Variants in PRIM2 observed in about 807,000 individuals in gnomAD.
PRIM2 encodes DNA primase subunit 2.
A neutral mutation model predicts 67.3 loss-of-function variants in PRIM2; 39 were observed. The ratio of observed to expected loss-of-function variants is 0.58; its 90% confidence interval spans 0.45 to 0.76. PRIM2 has a LOEUF of 0.76. PRIM2 is among the 30% of genes least tolerant of loss of function. The pLI is 0.00. For synonymous variants in PRIM2, 143 were observed against 198.7 expected (o/e 0.72, Z 2.36); for missense variants, 398 against 598.7 (o/e 0.66, Z 3.50).
At chr6:57,331,888 C>G (rs1202585756) in intron 5 of PRIM2, among the ~76,000 whole-genome samples, 1 of 151,678 alleles carries the variant, frequency 6.6e-6, no homozygotes, top group Non-Finnish European at 1.5e-5. Context: ...ATTCTCTAGA[C>G]TCTATTTCAC....
chr6:57,370,693 CTTT>C (rs66953171), intron 5 of PRIM2, among the ~76,000 whole-genome samples: 3 of 121,986 alleles, frequency 2.5e-5, no homozygotes, highest in Non-Finnish European at 3.4e-5. Context: ...CTATCTATAG[CTTT>C]TTTTTTTTTT....
chr6:57,222,246 G>C, the PRIM2 span: 3 of 152,612 alleles, frequency 2.0e-5, no homozygotes, highest in Non-Finnish European at 4.4e-5. Context: ...GCTCCGCCGG[G>C]GGTGGTGGGG....
At chr6:57,407,305 T>A (rs1770923896) in intron 7 of PRIM2, among the ~76,000 whole-genome samples, 3 of 151,756 alleles carry the variant, frequency 2.0e-5, no homozygotes, top group Admixed American at 2.0e-4. Context: ...TTTGTAAGTA[T>A]ATTTTCATTA....
At chr6:57,547,511 G>A (rs1367709385) in intron 10 of PRIM2, among the ~76,000 whole-genome samples, 208 of 152,310 alleles carry the variant, frequency 1.4e-3, no homozygotes, top group Non-Finnish European at 2.5e-3. Context: ...TGAATACCAT[G>A]AAAATATTCT....
intron 10 of PRIM2, among the ~76,000 whole-genome samples, chr6:57,593,454 C>G (rs1776316723): frequency 6.6e-6 from 1 of 152,078 alleles, no homozygotes; most frequent in Non-Finnish European, 1.5e-5. Flanking sequence ...AGGCATGCAC[C>G]ACCACACCCA....
At chr6:57,255,691 A>G in the PRIM2 span, among the ~76,000 whole-genome samples, 2 of 152,172 alleles carry the variant, frequency 1.3e-5, no homozygotes, top group Non-Finnish European at 2.9e-5. Context: ...CATTTAAATC[A>G]TAAGCATAAT....
intron 7 of PRIM2, among the ~76,000 whole-genome samples, chr6:57,383,817 G>A (rs1360536036): frequency 6.6e-6 from 1 of 152,080 alleles, no homozygotes; most frequent in Non-Finnish European, 1.5e-5. Context: ...TTTATTACAT[G>A]GGATAATGAA....
At chr6:57,263,222 T>C in the PRIM2 span, among the ~76,000 whole-genome samples, 1 of 152,258 alleles carries the variant, frequency 6.6e-6, no homozygotes, top group African/African-American at 2.4e-5. Context: ...AGGTTACTCT[T>C]TGCCTCTGTA....
intron 10 of PRIM2, among the ~76,000 whole-genome samples, chr6:57,594,509 A>T (rs1163346278): frequency 6.6e-6 from 1 of 152,232 alleles, no homozygotes; most frequent in Non-Finnish European, 1.5e-5. Context: ...CCAGTTCCAA[A>T]TATAGACCTA....
intron 2 of PRIM2, 103 bp downstream of exon 2, chr6:57,318,702 C>A: frequency 1.1e-6 from 1 of 935,678 alleles, no homozygotes; most frequent in Non-Finnish European, 1.6e-6. Context: ...GCAATCCATT[C>A]AACAAGTATT....
chr6:57,579,529 T>C (rs1776040063), intron 10 of PRIM2, among the ~76,000 whole-genome samples: 1 of 152,098 alleles, frequency 6.6e-6, no homozygotes, highest in Non-Finnish European at 1.5e-5. Context: ...TCTCAGGATA[T>C]TGTTGTGACT....
chr6:57,343,372 C>T (rs1768559137), intron 5 of PRIM2, among the ~76,000 whole-genome samples: 1 of 152,182 alleles, frequency 6.6e-6, no homozygotes, highest in Non-Finnish European at 1.5e-5. Flanking sequence ...TACCTACCCT[C>T]TTGGGTCTCA....
intron 7 of PRIM2, among the ~76,000 whole-genome samples, chr6:57,502,501 G>GT: frequency 6.7e-6 from 1 of 148,852 alleles, no homozygotes; most frequent in Admixed American, 6.7e-5. Context: ...CTAATGCCGC[G>GT]ATTTTTTTAC....
chr6:57,615,207 C>T (rs1257509087), intron 12 of PRIM2, among the ~76,000 whole-genome samples: 5 of 151,866 alleles, frequency 3.3e-5, no homozygotes, highest in Non-Finnish European at 5.9e-5. Flanking sequence ...TGCTTGAGCC[C>T]AGGAGTTCGA....
chr6:57,314,130 T>A (rs1247840350), upstream of PRIM2, among the ~76,000 whole-genome samples: 1 of 152,246 alleles, frequency 6.6e-6, no homozygotes, highest in Non-Finnish European at 1.5e-5. Flanking sequence ...ACTTGAAGTT[T>A]TATAGGTTGG....
intron 5 of PRIM2, among the ~76,000 whole-genome samples, chr6:57,358,814 C>T (rs1769111530): frequency 6.6e-6 from 1 of 151,942 alleles, no homozygotes; most frequent in Admixed American, 6.6e-5. Context: ...AAATGTTTTG[C>T]CTCCCAGGAG....
intron 10 of PRIM2, among the ~76,000 whole-genome samples, chr6:57,575,082 C>T (rs1775938334): frequency 6.6e-6 from 1 of 152,114 alleles, no homozygotes; most frequent in Non-Finnish European, 1.5e-5. Flanking sequence ...TGCTCTGTGT[C>T]TCCCCTTGGA....
intron 5 of PRIM2, among the ~76,000 whole-genome samples, chr6:57,340,617 A>G (rs1250678753): frequency 2.0e-5 from 3 of 152,132 alleles, no homozygotes; most frequent in Admixed American, 6.5e-5. Context: ...CAAAAAACCA[A>G]ACACCACATA....
intron 13 of PRIM2, among the ~76,000 whole-genome samples, chr6:57,645,321 T>TCA (rs1189530732): frequency 0.092 from 12,239 of 132,558 alleles, 663 homozygotes; most frequent in Non-Finnish European, 0.12. Flanking sequence ...ACAATGTCAT[T>TCA]CACACACACA....
Sources: gnomAD v4.1 joint callset for allele counts (sites outside exome capture counted in the v4.1 genomes callset) on GRCh38, gnomAD v4.1.1 for gene constraint, MANE v1.5 for transcripts, NCBI Gene and HGNC (gene_info 2026-07-23, HGNC 2026-07-21) for gene names.